Variants in STARD9 observed in about 807,000 individuals in gnomAD.
The protein encoded by STARD9 is stAR-related lipid transfer protein 9.
In STARD9, 346 loss-of-function variants were observed where a neutral mutation model predicts 399.8. The ratio of observed to expected loss-of-function variants is 0.87; its 90% CI spans 0.79 to 0.95. The LOEUF is 0.95. Among genes scored for constraint, STARD9 ranks in the 40% least tolerant of loss-of-function variants. STARD9 has a pLI of 0.00. For synonymous variants in STARD9, 2,203 were observed against 2,143.5 expected (o/e 1.03, Z -0.77); for missense variants, 5,832 against 5,667.5 (o/e 1.03, Z -0.93).
Position 42,694,168 on chromosome 15 carries a change from TCCCCCTGCAAGTTGGGGCCCAGAA to T in STARD9, c.12593_12616del (p.Pro4198_Asn4205del), listed in dbSNP as rs2060786287. Reference sequence around the variant, plus strand: ...TCTGAGTGGTCCAAGAGGGAGCAGATCCCCCTGCAAGTTGGGGCCCAGAACCTCTCACTCAGCGTGGAACTCACA... The same window carrying T: ...TCTGAGTGGTCCAAGAGGGAGCAGATCCTCTCACTCAGCGTGGAACTCACA... On this transcript the variant is annotated inframe_deletion, in exon 23 of 33. Coordinates refer to ENST00000290607, the MANE Select transcript of STARD9 (RefSeq NM_020759.3). 6.5e-7 allele frequency: 1 copy of T among 1,534,790 alleles called. No individual in the cohort carries two copies. Among genetic ancestry groups the T allele is most frequent in the South Asian group, 1.2e-5 (1 of 83,700 alleles).
In STARD9 at chr15:42,693,310, C is replaced by T. The variant is rs1228532160; in HGVS notation, c.11732C>T (p.Pro3911Leu). ...ILTLSASTQEPGLSPGSLTLS... is the reference protein window; with the variant it reads ...ILTLSASTQELGLSPGSLTLS... ...ACTCTTAGTGCCAGCACCCAAGAGC[C>T]GGGTCTTTCCCCAGGCTCTTTGACC... is the stretch of plus-strand genomic sequence containing the variant. Residue 3911 changes from proline to leucine, a missense_variant, in exon 23 of 33, where the codon CCG becomes CTG. Pro to Leu is a moderately conservative substitution (Grantham distance 98, BLOSUM62 -3). Coordinates refer to ENST00000290607, the MANE Select transcript of STARD9 (RefSeq NM_020759.3). 4.6e-6 allele frequency: 7 copies of T among 1,536,978 alleles called. No homozygotes were observed. Among genetic ancestry groups the T allele is most frequent in the South Asian group, 1.2e-5 (1 of 84,056 alleles).
chr15:42,663,689 A>G, intron 12 of STARD9, 131 bp from the exon 13 acceptor site: 1 of 768,414 alleles, frequency 1.3e-6, no homozygotes, highest in Non-Finnish European at 2.1e-6. Context: ...TCTCAGAGAA[A>G]GGGCCATGAC....
At chr15:42,662,716 G>A (rs565371414) in intron 10 of STARD9, 78 bp from the exon 11 acceptor site, 20 of 905,058 alleles carry the variant, frequency 2.2e-5, no homozygotes, top group Middle Eastern at 2.2e-4. Context: ...ACAGAATAAC[G>A]GATAGTATTT....
intron 3 of STARD9, among the ~76,000 whole-genome samples, chr15:42,591,181 A>T (rs185524935): frequency 2.2e-4 from 34 of 152,236 alleles, no homozygotes; most frequent in African/African-American, 7.9e-4. Flanking sequence ...CAATCCCCCA[A>T]CTGTGACAAT....
intron 26 of STARD9, among the ~76,000 whole-genome samples, chr15:42,708,959 T>C (rs1595819547): frequency 1.3e-5 from 2 of 152,308 alleles, no homozygotes; most frequent in East Asian, 1.9e-4. Context: ...AGTATAAGTA[T>C]GTCTCATGCA....
intron 9 of STARD9, among the ~76,000 whole-genome samples, chr15:42,653,221 T>G (rs1045631076): frequency 2.0e-5 from 3 of 152,158 alleles, no homozygotes; most frequent in Non-Finnish European, 1.5e-5. Flanking sequence ...AGCATTAAAA[T>G]GAAATATTAG....
At position 42,663,449 on chromosome 15, in the gene STARD9, A is replaced by AG. The variant is rs762650141; in HGVS notation, c.1039dup (p.Asp347GlyfsTer8). On this transcript the variant is annotated frameshift_variant, in exon 12 of 33. Coordinates refer to ENST00000290607, the MANE Select transcript of STARD9 (RefSeq NM_020759.3). LOFTEE classifies it high-confidence loss of function. ...GACTCTGTGTTGACCTGGCTGCTGA[A>AG]GGACAGCCTTGGAGGCAACTCTAAA... 1 of 1,537,316 alleles carries AG rather than the reference A, an allele frequency of 6.5e-7. No individual in the cohort carries two copies. The highest frequency in any genetic ancestry group is 1.2e-5 in the South Asian group (1 of 84,062).
At position 42,686,545 on chromosome 15, in the gene STARD9, A is replaced by T. The variant is rs780445626; in HGVS notation, c.4967A>T (p.His1656Leu). Residue 1656 changes from histidine to leucine, a missense_variant, in exon 23 of 33, where the codon CAC becomes CTC. Coordinates refer to ENST00000290607, the MANE Select transcript of STARD9 (RefSeq NM_020759.3). ...GATTTTTTCCAGAAGAACGCTTGTC[A>T]CAGTAATGTCACTACAGCCACCAAA... ...DEDFFQKNACHSNVTTATKAD... is the reference protein window; with the variant it reads ...DEDFFQKNACLSNVTTATKAD... The T allele has an allele frequency of 1.3e-6, 2 of 1,537,504 alleles. No individual in the cohort carries two copies. The highest frequency in any genetic ancestry group is 2.7e-5 in the African/African-American group (2 of 73,036).
Position 42,681,556 on chromosome 15 carries a change from G to A in STARD9, c.2009G>A (p.Arg670Gln), listed in dbSNP as rs759537138. 8.2e-5 allele frequency: 126 copies of A among 1,537,024 alleles called. No individual in the cohort carries two copies. Among genetic ancestry groups the A allele is most frequent in the East Asian group, 2.0e-4 (8 of 40,928 alleles). ...LRHQILAEEI[R>Q]AAKELEFDQA... ...CATCAAATCCTAGCAGAAGAGATTCGAGCTGCGAAGGAACTGGAATTTGAC... is the reference window on the plus strand; with the variant it reads ...CATCAAATCCTAGCAGAAGAGATTCAAGCTGCGAAGGAACTGGAATTTGAC... The change falls in exon 21 of 33, where the codon CGA becomes CAA. Residue 670 changes from arginine (R) to glutamine (Q), a missense_variant. By Grantham distance (43) the Arg-to-Gln change is conservative. Around this residue, in one of 2 missense-constraint regions of STARD9, gnomAD observed 5,828 missense variants for 5,651.1 expected, o/e 1.03. Transcript: ENST00000290607.
At position 42,681,559 on chromosome 15, in the gene STARD9, C is replaced by T; in HGVS notation, c.2012C>T (p.Ala671Val). 2 of 1,537,128 alleles carry T rather than the reference C, an allele frequency of 1.3e-6. No individual in the cohort carries two copies. The highest frequency in any genetic ancestry group is 8.7e-7 in the Non-Finnish European group (1 of 1,146,854). ...RHQILAEEIR[A>V]AKELEFDQAW... ...CAAATCCTAGCAGAAGAGATTCGAG[C>T]TGCGAAGGAACTGGAATTTGACCAA... The change falls in exon 21 of 33, where the codon GCT becomes GTT. Residue 671 changes from alanine (A) to valine (V), a missense_variant. Physicochemically the swap from Ala to Val is moderately conservative, Grantham distance 64. This residue lies in a region of STARD9 where 5,828 missense variants were observed against 5,651.1 expected (regional missense o/e 1.03). Transcript: ENST00000290607.
chr15:42,596,893 C>T (rs2058516766), intron 3 of STARD9, among the ~76,000 whole-genome samples: 1 of 152,166 alleles, frequency 6.6e-6, no homozygotes, highest in African/African-American at 2.4e-5. Context: ...AAAGCCTTCC[C>T]TTTCTATACC....
At chr15:42,698,049 A>G (rs774640185) in intron 26 of STARD9, among the ~76,000 whole-genome samples, 1 of 152,198 alleles carries the variant, frequency 6.6e-6, no homozygotes, top group Non-Finnish European at 1.5e-5. Context: ...TTCACTCAGT[A>G]TAATTTGTAA....
chr15:42,694,499 C>T (rs2060795636), intron 23 of STARD9, 29 bp from the exon 24 acceptor site: 1 of 1,535,290 alleles, frequency 6.5e-7, no homozygotes, highest in Non-Finnish European at 8.7e-7. Context: ...CATTCAGGGC[C>T]AGCTTCAGCG....
intron 3 of STARD9, among the ~76,000 whole-genome samples, chr15:42,629,390 A>G (rs1407386739): frequency 6.6e-6 from 1 of 152,190 alleles, no homozygotes; most frequent in Non-Finnish European, 1.5e-5. Flanking sequence ...TAGCTATTGT[A>G]AATGGGATTG....
At position 42,682,329 on chromosome 15, in the gene STARD9, G is replaced by C. The variant is rs1335355589; in HGVS notation, c.2291G>C (p.Arg764Pro). ...HTLRAAERNV[R>P]RKKVSFQLER... ...CTTCGGGCAGCAGAGCGGAATGTCC[G>C]GCGGAAAAAGGTCTCATTCCAGCTA... is the stretch of plus-strand genomic sequence containing the variant. The change falls in exon 22 of 33, where the codon CGG (arginine) becomes CCG (proline). Residue 764 changes from arginine to proline, a missense_variant. Around this residue, in one of 2 missense-constraint regions of STARD9, gnomAD observed 5,828 missense variants for 5,651.1 expected, o/e 1.03. Transcript: ENST00000290607. 8 of 1,537,072 alleles carry C rather than the reference G, an allele frequency of 5.2e-6. No individual in the cohort carries two copies. The South Asian group carries it at 7.1e-5, about 14-fold the overall frequency.
At position 42,688,583 on chromosome 15, in the gene STARD9, GC is replaced by G. The variant is rs1566940949; in HGVS notation, c.7008del (p.Leu2337Ter). The part of the protein sequence containing the change: ...PLHQDLSNTL[P>X]LNSPRWPRRC... Reference sequence around the variant, plus strand: ...TTCACCAAGACCTGAGTAATACCTTGCCCTTGAATTCTCCAAGGTGGCCAAG... The same window carrying G: ...TTCACCAAGACCTGAGTAATACCTTGCCTTGAATTCTCCAAGGTGGCCAAG... On this transcript the variant is annotated frameshift_variant, in exon 23 of 33. Transcript: ENST00000290607. LOFTEE classifies it high-confidence loss of function. 22 of 1,537,576 alleles carry G rather than the reference GC, an allele frequency of 1.4e-5. No individual in the cohort carries two copies. In the South Asian group the frequency reaches 2.6e-4, roughly 18 times the overall value.
rs758531853 is a variant in STARD9, at chr15:42,686,731, CCCTT to C, written c.5159_5162del (p.Pro1720GlnfsTer29). On this transcript the variant is annotated frameshift_variant, in exon 23 of 33. Transcript: ENST00000290607. LOFTEE classifies it high-confidence loss of function. ...AGAAGACACATAAATGTTTCCTTTG[CCCTT>C]CCTTCAGGTCCAGAGCTATACCTTC... 20 of 1,537,512 alleles carry C rather than the reference CCCTT, an allele frequency of 1.3e-5. No individual in the cohort carries two copies. In the South Asian group the frequency reaches 1.5e-4, roughly 12 times the overall value.
At chr15:42,577,644 A>T (rs941757321) in intron 1 of STARD9, among the ~76,000 whole-genome samples, 1 of 152,236 alleles carries the variant, frequency 6.6e-6, no homozygotes, top group Admixed American at 6.5e-5. Context: ...GTAGATACCC[A>T]GGTGTGAACA....
chr15:42,581,934 T>A (rs547679651), intron 1 of STARD9, among the ~76,000 whole-genome samples: 163 of 152,288 alleles, frequency 1.1e-3, no homozygotes, highest in Non-Finnish European at 2.1e-3. Context: ...GAGAATCGCA[T>A]GAACCCAGGA....
Sources: gnomAD v4.1 joint callset for allele counts (sites outside exome capture counted in the v4.1 genomes callset) on GRCh38, gnomAD v4.1.1 for gene constraint, gnomAD v4.1.1 regional missense constraint, MANE v1.5 for transcripts, NCBI Gene and HGNC (gene_info 2026-07-23, HGNC 2026-07-21) for gene names.